The following ABHD10 variants were observed in gnomAD, a reference collection of about 807,000 sequenced individuals.
ABHD10 encodes abhydrolase domain containing 10, depalmitoylase, also known as palmitoyl-protein thioesterase ABHD10, mitochondrial.
ABHD10 carries 22 observed loss-of-function variants against 33.1 expected under a neutral mutation model. The observed-to-expected ratio is 0.66, with a 90% CI of 0.47 to 0.95. The LOEUF is 0.95. Among genes scored for constraint, ABHD10 ranks in the 40% least tolerant of loss-of-function variants. The pLI is 0.00. For synonymous variants in ABHD10, 146 were observed against 133.9 expected, an observed-to-expected ratio of 1.09 and a Z score of -0.62; for missense variants, 352 against 379.9, an observed-to-expected ratio of 0.93 and a Z score of 0.61.
rs2072744633 is a variant in ABHD10 at position 111,991,897 on chromosome 3, T to G, written c.*176T>G. On this transcript the variant is annotated 3_prime_UTR_variant, in exon 5 of 5. Coordinates refer to ENST00000273359, the MANE Select transcript of ABHD10 (RefSeq NM_018394.4). ...ATGCAAATTGTGAAGAAGGACCAGC[T>G]GCTGTTTAGAAAATTTTCTCCTTCC... 3.9e-6 allele frequency: 2 copies of G among 512,774 alleles called. No homozygotes were observed. Among genetic ancestry groups the G allele is most frequent in the Non-Finnish European group, 6.5e-6 (2 of 306,230 alleles). The allele number at this position is 512,774 out of a possible 1,614,324, so 31.8% of individuals were successfully genotyped here.
At chr3:111,981,155 T>C (rs1290739696) in intron 1 of ABHD10, among the ~76,000 whole-genome samples, 1 of 151,530 alleles carries the variant, frequency 6.6e-6, no homozygotes, top group Non-Finnish European at 1.5e-5. Context: ...AATACAAAAA[T>C]TAACCAGGTG....
intron 4 of ABHD10, among the ~76,000 whole-genome samples, chr3:111,988,871 C>T (rs1048618194): frequency 6.6e-6 from 1 of 152,174 alleles, no homozygotes; most frequent in African/African-American, 2.4e-5. Flanking sequence ...ATTAGAGACA[C>T]AAGCCACTGT....
chr3:111,983,485 G>A (rs917481046), intron 2 of ABHD10, among the ~76,000 whole-genome samples: 2 of 152,164 alleles, frequency 1.3e-5, no homozygotes, highest in South Asian at 2.1e-4. Context: ...CCTTCATAAA[G>A]AATAGTGCTT....
rs1200833768 is a variant in ABHD10 at position 111,991,646 on chromosome 3, G to A, written c.846G>A (p.Arg282=). ...GAAAACACAGTGATCACCGAATGAG[G>A]GAAAAAGCAGACATTCAACTTCTTG... ...ILRKHSDHRM[R]EKADIQLLVY... The change falls in exon 5 of 5, where the codon AGG becomes AGA. Residue 282 remains arginine, a synonymous_variant. Coordinates refer to ENST00000273359, the MANE Select transcript of ABHD10 (RefSeq NM_018394.4). 6.2e-7 allele frequency: 1 copy of A among 1,613,258 alleles called. No homozygotes were observed. Among genetic ancestry groups the A allele is most frequent in the East Asian group, 2.2e-5 (1 of 44,866 alleles).
Position 111,991,540 on chromosome 3 carries a change from T to C in ABHD10, c.740T>C (p.Met247Thr), listed in dbSNP as rs2072739238. Residue 247 changes from methionine (M) to threonine (T), a missense_variant, in exon 5 of 5, where the codon ATG (methionine) becomes ACG (threonine). By Grantham distance (81) the Met-to-Thr change is moderately conservative. Transcript: ENST00000273359. ...VNCPIRLLHGMKDDIVPWHTS... is the reference protein window; with the variant it reads ...VNCPIRLLHGTKDDIVPWHTS... ...TGCCCCATAAGATTGCTCCATGGCATGAAGGATGACATTGTACCTTGGCAT... is the reference window on the plus strand; with the variant it reads ...TGCCCCATAAGATTGCTCCATGGCACGAAGGATGACATTGTACCTTGGCAT... 1 of 1,614,036 alleles carries C rather than the reference T, an allele frequency of 6.2e-7. No individual in the cohort carries two copies. Among genetic ancestry groups the C allele is most frequent in the African/African-American group, 1.3e-5 (1 of 74,930 alleles).
At chr3:111,991,349 C>G (rs2072736466) in intron 4 of ABHD10, 28 bp from the exon 5 acceptor site, 4 of 1,550,388 alleles carry the variant, frequency 2.6e-6, no homozygotes, top group African/African-American at 3.2e-5. Flanking sequence ...GTCACAAATA[C>G]TTTTATTTTT....
intron 2 of ABHD10, among the ~76,000 whole-genome samples, chr3:111,985,364 A>G (rs1427403533): frequency 6.6e-6 from 1 of 152,166 alleles, no homozygotes; most frequent in African/African-American, 2.4e-5. Flanking sequence ...ATAACTAGGA[A>G]GTTGGAAGGA....
intron 1 of ABHD10, among the ~76,000 whole-genome samples, chr3:111,979,542 G>A (rs1017950703): frequency 6.6e-6 from 1 of 152,220 alleles, no homozygotes; most frequent in Non-Finnish European, 1.5e-5. Context: ...TTACTTCTAG[G>A]AATTTGTAGA....
At chr3:111,986,715 G>T (rs989052175) in intron 3 of ABHD10, among the ~76,000 whole-genome samples, 199 bp from the exon 4 acceptor site, 1 of 152,158 alleles carries the variant, frequency 6.6e-6, no homozygotes, top group Non-Finnish European at 1.5e-5. Flanking sequence ...GATTACAGGC[G>T]TGAGCCACCA....
intron 4 of ABHD10, among the ~76,000 whole-genome samples, chr3:111,988,748 C>A (rs2072704609): frequency 6.6e-6 from 1 of 152,026 alleles, no homozygotes; most frequent in Admixed American, 6.5e-5. Context: ...CACCACTATG[C>A]CTGGCTGATT....
intron 4 of ABHD10, among the ~76,000 whole-genome samples, chr3:111,988,602 T>TG (rs763396620): frequency 6.6e-5 from 10 of 151,992 alleles, no homozygotes; most frequent in Non-Finnish European, 1.3e-4. Context: ...TGTTTTTATT[T>TG]GGGGGGGTTT....
At position 111,992,117 on chromosome 3, in the gene ABHD10, A is replaced by G. The variant is rs1216875022; in HGVS notation, c.*396A>G. 2 of 155,570 alleles carry G rather than the reference A, an allele frequency of 1.3e-5. No homozygotes were observed. Among genetic ancestry groups the G allele is most frequent in the Non-Finnish European group, 2.8e-5 (2 of 70,718 alleles). 9.6% of individuals were successfully genotyped at this position (155,570 alleles called of 1,614,324 possible). A position where few individuals can be genotyped will look rare whatever the true frequency, so the allele number is the denominator to read the frequency against. On this transcript the variant is annotated 3_prime_UTR_variant, in exon 5 of 5. Coordinates refer to ENST00000273359, the MANE Select transcript of ABHD10 (RefSeq NM_018394.4). ...ACATTACTTCTGATTTGAAAATGCA[A>G]TTCACAAAATATAGGGAAATTTTTA...
intron 1 of ABHD10, among the ~76,000 whole-genome samples, chr3:111,979,516 A>G (rs2072551972): frequency 1.3e-5 from 2 of 152,260 alleles, no homozygotes; most frequent in Non-Finnish European, 2.9e-5. Context: ...ATGTGCATTT[A>G]ATGCATTATT....
chr3:111,981,778 GT>G lies in ABHD10; in HGVS notation c.143-3del, dbSNP rs765864083. 10 of 1,533,248 alleles carry G rather than the reference GT, an allele frequency of 6.5e-6. No individual in the cohort carries two copies. The Admixed American group carries it at 1.2e-4, about 19-fold the overall frequency. The allele number at this position is 1,533,248 out of a possible 1,614,324, so 95.0% of individuals were successfully genotyped here. On this transcript the variant is annotated splice_polypyrimidine_tract_variant and splice_region_variant and intron_variant, in intron 1 of 4. Coordinates refer to ENST00000273359, the MANE Select transcript of ABHD10 (RefSeq NM_018394.4). The stretch of plus-strand genomic sequence containing the variant: ...CCATAGTTTACTTTTTGTGTACTTT[GT>G]TTAGCTTGTAGACAAAAGACGTCAC...
intron 2 of ABHD10, among the ~76,000 whole-genome samples, chr3:111,984,605 T>C (rs1290132778): frequency 1.3e-5 from 2 of 152,178 alleles, no homozygotes; most frequent in Non-Finnish European, 2.9e-5. Flanking sequence ...CTGTAAAATT[T>C]ATTGTGAAAT....
chr3:111,979,253 G>A, intron 1 of ABHD10, 50 bp downstream of exon 1: 1 of 1,548,732 alleles, frequency 6.5e-7, no homozygotes, highest in Non-Finnish European at 8.7e-7. Flanking sequence ...AACGCCTCGG[G>A]TTCCGTCAGT....
At chr3:111,982,225 G>T (rs1217425202) in intron 2 of ABHD10, 2 of 296,688 alleles carry the variant, frequency 6.7e-6, no homozygotes, top group African/African-American at 2.2e-5. Context: ...CTCTTTAGAG[G>T]CAATAATGTA....
intron 1 of ABHD10, among the ~76,000 whole-genome samples, chr3:111,980,555 G>C (rs2072570255): frequency 6.6e-6 from 1 of 152,046 alleles, no homozygotes; most frequent in Non-Finnish European, 1.5e-5. Flanking sequence ...GGAAAGAAGA[G>C]GTGGGATTAT....
At chr3:111,989,959 A>G (rs1041432324) in intron 4 of ABHD10, among the ~76,000 whole-genome samples, 5 of 152,060 alleles carry the variant, frequency 3.3e-5, no homozygotes, top group African/African-American at 1.2e-4. Context: ...TGGGAAAATC[A>G]TAGTATATTT....
Sources: gnomAD v4.1 joint callset for allele counts (sites outside exome capture counted in the v4.1 genomes callset) on GRCh38, gnomAD v4.1.1 for gene constraint, MANE v1.5 for transcripts, NCBI Gene and HGNC (gene_info 2026-07-23, HGNC 2026-07-21) for gene names.